GALNTL5: variants seen among roughly 807,000 people sequenced by gnomAD.
GALNTL5 encodes inactive polypeptide N-acetylgalactosaminyltransferase-like protein 5.
GALNTL5 carries 44 observed loss-of-function variants against 51.0 expected under a neutral mutation model. The observed-to-expected ratio is 0.86, with a 90% confidence interval of 0.68 to 1.11. GALNTL5 has a LOEUF of 1.11. GALNTL5 is among the 50% of genes least tolerant of loss of function. The pLI, the probability that GALNTL5 is intolerant of heterozygous loss-of-function variation, is 0.00. For missense variants in GALNTL5, 528 were observed against 531.8 expected, an observed-to-expected ratio of 0.99 and a Z score of 0.07; for synonymous variants, 192 against 182.8, an observed-to-expected ratio of 1.05 and a Z score of -0.41.
At chr7:152,007,109 A>C (rs1481106554) in intron 6 of GALNTL5, among the ~76,000 whole-genome samples, 1 of 152,044 alleles carries the variant, frequency 6.6e-6, no homozygotes, top group Non-Finnish European at 1.5e-5. Context: ...ATTTGGCCCT[A>C]CTATTGGTGG....
intron 8 of GALNTL5, among the ~76,000 whole-genome samples, chr7:152,015,770 C>T (rs971872497): frequency 2.0e-5 from 3 of 152,128 alleles, no homozygotes; most frequent in Non-Finnish European, 4.4e-5. Flanking sequence ...CGACCAACAG[C>T]CAAAGATTTC....
At chr7:151,985,353 CT>C (rs1234466904) in intron 4 of GALNTL5, among the ~76,000 whole-genome samples, 1 of 152,194 alleles carries the variant, frequency 6.6e-6, no homozygotes, top group African/African-American at 2.4e-5. Context: ...TCTGCTTCTC[CT>C]CCTCTATCTG....
Position 152,002,794 on chromosome 7 carries a change from G to C in GALNTL5, c.739G>C (p.Asp247His). The C allele has an allele frequency of 6.2e-7, 1 of 1,614,144 alleles. No homozygotes were observed. The highest frequency in any genetic ancestry group is 8.5e-7 in the Non-Finnish European group (1 of 1,180,034). Residue 247 changes from aspartate (D) to histidine (H), a missense_variant, in exon 6 of 9, where the codon GAC (aspartate) becomes CAC (histidine). Physicochemically the swap from Asp to His is moderately conservative, Grantham distance 81. Transcript: ENST00000392800. ...LEPLLHAIAK[D>H]PKMVVCPLID... ...GCCCCTGCTGCATGCCATTGCCAAG[G>C]ACCCCAAAATGGTGGTGTGCCCCCT... is the stretch of plus-strand genomic sequence containing the variant.
chr7:151,987,525 C>A (rs545419336), intron 5 of GALNTL5, among the ~76,000 whole-genome samples: 1 of 151,240 alleles, frequency 6.6e-6, no homozygotes, highest in East Asian at 2.0e-4. Flanking sequence ...CAGCCCCTCT[C>A]ACAGGCTGAG....
chr7:151,967,645 AAAT>A, intron 2 of GALNTL5, 152 bp downstream of exon 2: 1 of 508,668 alleles, frequency 2.0e-6, no homozygotes, highest in Non-Finnish European at 3.3e-6. Context: ...TATACATAGA[AAAT>A]AATAAAACAA....
At chr7:151,980,809 G>C (rs547704139) in intron 3 of GALNTL5, among the ~76,000 whole-genome samples, 1 of 136,032 alleles carries the variant, frequency 7.4e-6, no homozygotes, top group Non-Finnish European at 1.5e-5. Flanking sequence ...GCAGTGGCGG[G>C]ATCTCGGCTC....
At chr7:151,973,300 C>CAA (rs150890373) in intron 3 of GALNTL5, among the ~76,000 whole-genome samples, 3 of 130,630 alleles carry the variant, frequency 2.3e-5, no homozygotes, top group Non-Finnish European at 5.0e-5. Context: ...ACTAAAAATA[C>CAA]AAAAAAAAAA....
chr7:151,999,615 A>G (rs1199249172), intron 5 of GALNTL5, among the ~76,000 whole-genome samples: 3 of 152,158 alleles, frequency 2.0e-5, no homozygotes, highest in Non-Finnish European at 2.9e-5. Context: ...GATGTTTCGC[A>G]TCTGTTTGTG....
At chr7:152,016,422 C>T (rs924799291) in intron 8 of GALNTL5, among the ~76,000 whole-genome samples, 1 of 150,552 alleles carries the variant, frequency 6.6e-6, no homozygotes, top group African/African-American at 2.5e-5. Context: ...AAAAAAAAAT[C>T]TTATGGGCCC....
At chr7:151,977,349 AC>A (rs2081219150) in intron 3 of GALNTL5, among the ~76,000 whole-genome samples, 1 of 152,270 alleles carries the variant, frequency 6.6e-6, no homozygotes, top group African/African-American at 2.4e-5. Flanking sequence ...TTTGATTTTA[AC>A]CCTTCTAGCC....
intron 8 of GALNTL5, 76 bp downstream of exon 8, chr7:152,014,869 C>T: frequency 1.5e-6 from 2 of 1,370,714 alleles, no homozygotes; most frequent in South Asian, 2.9e-5. Context: ...CCTGCTGCTG[C>T]CTTTCCAGAT....
At chr7:151,993,453 C>T (rs545268472) in intron 5 of GALNTL5, among the ~76,000 whole-genome samples, 25 of 152,182 alleles carry the variant, frequency 1.6e-4, no homozygotes, top group Non-Finnish European at 3.5e-4. Context: ...CTTTAATCCA[C>T]ATTGTCTTCT....
chr7:151,959,377 G>C (rs1251584891), intron 1 of GALNTL5, among the ~76,000 whole-genome samples: 1 of 151,896 alleles, frequency 6.6e-6, no homozygotes, highest in Non-Finnish European at 1.5e-5. Context: ...CTCTTTTCAG[G>C]CGTCCTAATT....
chr7:151,957,126 T>C (rs1586796180), intron 1 of GALNTL5, among the ~76,000 whole-genome samples: 1 of 132,000 alleles, frequency 7.6e-6, no homozygotes, highest in African/African-American at 2.9e-5. Context: ...GATGAAAGAG[T>C]GAGACTCTGT....
chr7:152,000,462 C>T (rs996706048), intron 5 of GALNTL5, among the ~76,000 whole-genome samples: 2 of 152,330 alleles, frequency 1.3e-5, no homozygotes, highest in Non-Finnish European at 2.9e-5. Flanking sequence ...GAACTCAGCC[C>T]AGAGAGTGCC....
At chr7:152,001,224 T>C (rs934598506) in intron 5 of GALNTL5, among the ~76,000 whole-genome samples, 1 of 148,564 alleles carries the variant, frequency 6.7e-6, no homozygotes, top group African/African-American at 2.5e-5. Flanking sequence ...TTTTTTTTTT[T>C]CATTTTCTCG....
rs372622630 is a variant in GALNTL5 at position 152,019,816 on chromosome 7, A to C, written c.*15A>C. The C allele has an allele frequency of 3.1e-6, 5 of 1,597,150 alleles. No homozygotes were observed. The highest frequency in any genetic ancestry group is 4.3e-6 in the Non-Finnish European group (5 of 1,168,608). ...ACAGCCTGTGAAAGGAAAACAAATC[A>C]CTTTCATTAATAAAGGGTTAAAAGT... On this transcript the variant is annotated 3_prime_UTR_variant, in exon 9 of 9. Transcript: ENST00000392800.
At chr7:151,993,577 G>A (rs2081455184) in intron 5 of GALNTL5, among the ~76,000 whole-genome samples, 1 of 152,026 alleles carries the variant, frequency 6.6e-6, no homozygotes, top group Admixed American at 6.5e-5. Flanking sequence ...AATTTCTGTT[G>A]TGGCTTAAGC....
chr7:152,010,357 T>C (rs563510453), intron 7 of GALNTL5, among the ~76,000 whole-genome samples: 111 of 152,220 alleles, frequency 7.3e-4, no homozygotes, highest in Middle Eastern at 3.4e-3. Flanking sequence ...GTGATCCGCC[T>C]GCCTCGGCCT....
Sources: gnomAD v4.1 joint callset for allele counts (sites outside exome capture counted in the v4.1 genomes callset) on GRCh38, gnomAD v4.1.1 for gene constraint, MANE v1.5 for transcripts, NCBI Gene and HGNC (gene_info 2026-07-23, HGNC 2026-07-21) for gene names.